MGLL: variants seen among roughly 807,000 people sequenced by gnomAD.
The protein encoded by MGLL is monoglyceride lipase.
Under a neutral mutation model 29.1 loss-of-function variants are expected in MGLL, and 7 were observed. That is an observed-to-expected ratio of 0.24 (90% confidence interval 0.14 to 0.45). The LOEUF is 0.45. MGLL is among the 20% of genes least tolerant of loss of function. MGLL has a pLI of 0.99. For synonymous variants in MGLL, 148 were observed against 168.3 expected, an observed-to-expected ratio of 0.88 and a Z score of 0.93; for missense variants, 356 against 413.6, an observed-to-expected ratio of 0.86 and a Z score of 1.21.
intron 3 of MGLL, among the ~76,000 whole-genome samples, chr3:127,746,055 C>A (rs1192671167): frequency 6.6e-6 from 1 of 152,116 alleles, no homozygotes. Flanking sequence ...GGGGCCCAGA[C>A]AGAAACAAGG....
chr3:127,700,281 C>T (rs755432987), intron 6 of MGLL, among the ~76,000 whole-genome samples: 1 of 152,326 alleles, frequency 6.6e-6, no homozygotes, highest in Non-Finnish European at 1.5e-5. Context: ...TCTTGAATGG[C>T]CGGAGACATA....
chr3:127,807,266 TA>T (rs1290145903), intron 2 of MGLL, among the ~76,000 whole-genome samples: 1 of 152,174 alleles, frequency 6.6e-6, no homozygotes, highest in Non-Finnish European at 1.5e-5. Context: ...CACAATTGTT[TA>T]TAGTATTTCT....
intron 3 of MGLL, among the ~76,000 whole-genome samples, chr3:127,732,441 T>A (rs955483550): frequency 6.6e-6 from 1 of 152,152 alleles, no homozygotes; most frequent in Non-Finnish European, 1.5e-5. Context: ...CTCAGGGTTG[T>A]CACTCTCACA....
intron 3 of MGLL, among the ~76,000 whole-genome samples, chr3:127,765,729 A>C (rs2076844276): frequency 6.6e-6 from 1 of 152,266 alleles, no homozygotes; most frequent in Admixed American, 6.5e-5. Context: ...AGGCTGATGA[A>C]GAAGAGTGTT....
intron 3 of MGLL, among the ~76,000 whole-genome samples, chr3:127,775,509 G>A (rs1348151002): frequency 5.3e-5 from 8 of 151,712 alleles, no homozygotes; most frequent in South Asian, 4.2e-4. Context: ...GGACCCACCC[G>A]CCAAGGAGAA....
chr3:127,760,732 T>C (rs2076749707), intron 3 of MGLL, among the ~76,000 whole-genome samples: 1 of 152,248 alleles, frequency 6.6e-6, no homozygotes, highest in South Asian at 2.1e-4. Context: ...AACCTGCGGC[T>C]CTGCACCCCA....
chr3:127,774,970 C>CGA (rs2077008957), intron 3 of MGLL, among the ~76,000 whole-genome samples: 1 of 152,074 alleles, frequency 6.6e-6, no homozygotes, highest in Admixed American at 6.5e-5. Flanking sequence ...TTTTGTTCAA[C>CGA]AGAGGCAAAT....
intron 3 of MGLL, among the ~76,000 whole-genome samples, chr3:127,746,886 C>T (rs2076456077): frequency 6.6e-6 from 1 of 152,180 alleles, no homozygotes. Context: ...CCCTGCCCCT[C>T]CCTCCTCCTT....
Position 127,756,984 on chromosome 3 carries a change from G to A in MGLL, c.262+24805C>T, listed in dbSNP as rs148826889. ...TCCTCCCACCAGGTGAAGAATATCT[G>A]TCCCCACTGTCCCCACCCTGTAAAT... On this transcript the variant is annotated intron_variant, in intron 3 of 7. Coordinates refer to ENST00000265052, the MANE Select transcript of MGLL (RefSeq NM_007283.7). 1.2e-4 allele frequency among the ~76,000 whole-genome samples: 19 copies of A among 152,268 alleles called. No homozygotes were observed. In the East Asian group the frequency reaches 3.7e-3, roughly 29 times the overall value.
At chr3:127,702,216 G>A (rs2075504784) in intron 6 of MGLL, among the ~76,000 whole-genome samples, 1 of 152,228 alleles carries the variant, frequency 6.6e-6, no homozygotes, top group Non-Finnish European at 1.5e-5. Context: ...GGCCTGGCTG[G>A]CAGGGACAAC....
chr3:127,747,811 G>A (rs533393197), intron 3 of MGLL, among the ~76,000 whole-genome samples: 6 of 152,202 alleles, frequency 3.9e-5, no homozygotes, highest in South Asian at 2.1e-4. Context: ...TGATTGGAGC[G>A]GGCTTCTCCT....
chr3:127,738,088 C>G (rs1233095364), intron 3 of MGLL, among the ~76,000 whole-genome samples: 1 of 151,908 alleles, frequency 6.6e-6, no homozygotes, highest in African/African-American at 2.4e-5. Flanking sequence ...ATGGCTTAAA[C>G]CAGGAGTTTG....
At chr3:127,756,580 AG>A in intron 3 of MGLL, among the ~76,000 whole-genome samples, 1 of 152,264 alleles carries the variant, frequency 6.6e-6, no homozygotes, top group Admixed American at 6.5e-5. Context: ...GGGAACTGAG[AG>A]GAACAAACTA....
chr3:127,732,127 G>T (rs1160822135), intron 3 of MGLL, among the ~76,000 whole-genome samples: 1 of 152,114 alleles, frequency 6.6e-6, no homozygotes, highest in African/African-American at 2.4e-5. Flanking sequence ...AGGGAACCAG[G>T]CTTTCTTAGC....
At chr3:127,730,446 G>T (rs181190556) in intron 3 of MGLL, among the ~76,000 whole-genome samples, 78 of 152,320 alleles carry the variant, frequency 5.1e-4, no homozygotes, top group Admixed American at 1.6e-3. Context: ...ATACGCACAC[G>T]TTCCTGCCCT....
At chr3:127,750,155 CG>C (rs1164616951) in intron 3 of MGLL, among the ~76,000 whole-genome samples, 1 of 152,058 alleles carries the variant, frequency 6.6e-6, no homozygotes, top group African/African-American at 2.4e-5. Context: ...GACTAGACTG[CG>C]GGGGTGAGGG....
chr3:127,758,983 T>C (rs1050370221), intron 3 of MGLL, among the ~76,000 whole-genome samples: 5 of 148,874 alleles, frequency 3.4e-5, no homozygotes, highest in Non-Finnish European at 4.4e-5. Context: ...AGTGCAGTGG[T>C]GTGATCTAGG....
At chr3:127,822,645 T>G, upstream of MGLL, 2 of 393,712 alleles carry the variant, frequency 5.1e-6, no homozygotes, top group Non-Finnish European at 9.2e-6. Context: ...ACTGGGAAAC[T>G]AGCTCCGCGC....
At chr3:127,722,822 T>C (rs2075957765) in intron 3 of MGLL, among the ~76,000 whole-genome samples, 1 of 152,180 alleles carries the variant, frequency 6.6e-6, no homozygotes, top group Non-Finnish European at 1.5e-5. Context: ...GTGTACCTAC[T>C]ACAAAGGCTC....
Sources: gnomAD v4.1 joint callset for allele counts (sites outside exome capture counted in the v4.1 genomes callset) on GRCh38, gnomAD v4.1.1 for gene constraint, MANE v1.5 for transcripts, NCBI Gene and HGNC (gene_info 2026-07-23, HGNC 2026-07-21) for gene names.